ZNF592: variants seen among roughly 807,000 people sequenced by gnomAD.
ZNF592 encodes the protein spinocerebellar ataxia, autosomal recessive 5.
In ZNF592, 11 loss-of-function variants were observed where a neutral mutation model predicts 80.3. That is an observed-to-expected ratio of 0.14 (90% CI 0.09 to 0.23). The LOEUF is 0.23. Among genes scored for constraint, ZNF592 ranks in the 10% least tolerant of loss-of-function variants. The pLI, the probability that ZNF592 is intolerant of heterozygous loss-of-function variation, is 1.00. For missense variants in ZNF592, 1,420 were observed against 1,633.9 expected, an observed-to-expected ratio of 0.87 and a Z score of 2.26; for synonymous variants, 646 against 640.3, an observed-to-expected ratio of 1.01 and a Z score of -0.13.
At chr15:84,779,664 A>G (rs55738308) in intron 3 of ZNF592, among the ~76,000 whole-genome samples, 6,085 of 152,096 alleles carry the variant, frequency 0.04, 164 homozygotes, top group Non-Finnish European at 0.063. Flanking sequence ...AAATCTCTAT[A>G]AAAGTTTTTT....
At chr15:84,768,406 T>C (rs961704114) in intron 2 of ZNF592, among the ~76,000 whole-genome samples, 12 of 151,684 alleles carry the variant, frequency 7.9e-5, no homozygotes, top group African/African-American at 2.9e-4. Flanking sequence ...CCTGGCTAAT[T>C]TTTGTATTTT....
intron 2 of ZNF592, among the ~76,000 whole-genome samples, chr15:84,777,901 C>T (rs111654144): frequency 1.3e-5 from 2 of 152,036 alleles, no homozygotes; most frequent in African/African-American, 4.8e-5. Flanking sequence ...GGGGTTTCAC[C>T]GTGTTAGCCA....
intron 2 of ZNF592, among the ~76,000 whole-genome samples, chr15:84,775,451 G>A (rs1052410847): frequency 1.3e-5 from 2 of 151,184 alleles, no homozygotes; most frequent in African/African-American, 4.9e-5. Flanking sequence ...TTGTTTTTTT[G>A]AGACAGAGTC....
chr15:84,762,826 C>A (rs1163896566), intron 1 of ZNF592, among the ~76,000 whole-genome samples: 1 of 152,164 alleles, frequency 6.6e-6, no homozygotes, highest in East Asian at 1.9e-4. Flanking sequence ...GCCTCAGTTT[C>A]CTTGCTTGTA....
chr15:84,800,358 AC>A (rs571526910), intron 10 of ZNF592, among the ~76,000 whole-genome samples: 2 of 151,722 alleles, frequency 1.3e-5, no homozygotes, highest in African/African-American at 4.8e-5. Flanking sequence ...TGGCCAACTC[AC>A]CCCCCAACCT....
rs1369909205 is a variant in ZNF592, at chr15:84,783,745, G to T, written c.1070G>T (p.Ser357Ile). The T allele has an allele frequency of 1.9e-6, 3 of 1,614,116 alleles. No individual in the cohort carries two copies. The highest frequency in any genetic ancestry group is 2.5e-6 in the Non-Finnish European group (3 of 1,180,042). ...DSPRSICSDSSSKGSPSVAAS... is the reference protein window; with the variant it reads ...DSPRSICSDSISKGSPSVAAS... ...CCTCGTAGCATCTGCAGTGACAGCA[G>T]CAGCAAAGGCTCACCGTCTGTGGCT... The change falls in exon 4 of 11, where the codon AGC becomes ATC. Residue 357 changes from serine (S) to isoleucine (I), a missense_variant. Physicochemically the swap from Ser to Ile is moderately radical, Grantham distance 142. This residue lies in a region of ZNF592 where 524 missense variants were observed against 628.3 expected (regional missense o/e 0.83). Transcript: ENST00000560079. This position sits in a 1 kb window ranked among gnomAD's most constrained non-coding sequence, Gnocchi z 5.0.
intron 10 of ZNF592, among the ~76,000 whole-genome samples, chr15:84,801,425 G>A (rs939049629): frequency 1.3e-5 from 2 of 152,118 alleles, no homozygotes; most frequent in Non-Finnish European, 2.9e-5. Flanking sequence ...GCTTAAGCCC[G>A]GTAGGTCAAG....
Position 84,784,813 on chromosome 15 carries a change from G to A in ZNF592, c.2138G>A (p.Cys713Tyr). Residue 713 changes from cysteine (C) to tyrosine (Y), a missense_variant, in exon 4 of 11, where the codon TGT (cysteine) becomes TAT (tyrosine). Physicochemically the swap from Cys to Tyr is radical, Grantham distance 194. Transcript: ENST00000560079. The surrounding 1 kb of genome is among the most constrained non-coding windows in gnomAD (Gnocchi z 5.8). ...PVRLIRYSIK[C>Y]LECHKQMRDY... ...AGGCTCATCCGGTACTCAATCAAGT[G>A]TCTTGAATGTCACAAGCAGATGCGG... 1 of 1,614,126 alleles carries A rather than the reference G, an allele frequency of 6.2e-7. No individual in the cohort carries two copies. Among genetic ancestry groups the A allele is most frequent in the Non-Finnish European group, 8.5e-7 (1 of 1,180,036 alleles).
At position 84,803,597 on chromosome 15, in the gene ZNF592, A is replaced by T. The variant is rs1214178906; in HGVS notation, c.*1204A>T. 1 of 152,140 alleles carries T rather than the reference A, an allele frequency of 6.6e-6. No homozygotes were observed. The highest frequency in any genetic ancestry group is 2.4e-5 in the African/African-American group (1 of 41,408). The allele number at this position is 152,140 out of a possible 1,614,324, so 9.4% of individuals were successfully genotyped here. A position where few individuals can be genotyped will look rare whatever the true frequency, so the allele number is the denominator to read the frequency against. ...TAGGGCGTATCGAAATTTTCTAGGC[A>T]CCTTCATCTTTCCTTCAGTTGATTT... On this transcript the variant is annotated 3_prime_UTR_variant, in exon 11 of 11. Coordinates refer to ENST00000560079, the MANE Select transcript of ZNF592 (RefSeq NM_014630.3).
intron 2 of ZNF592, among the ~76,000 whole-genome samples, chr15:84,767,540 A>C (rs1300055895): frequency 6.6e-6 from 1 of 152,170 alleles, no homozygotes; most frequent in Non-Finnish European, 1.5e-5. Flanking sequence ...TCCTTCTAAC[A>C]AAGTGTGGTG....
chr15:84,764,657 C>A (rs893643787), intron 1 of ZNF592, 50 bp from the exon 2 acceptor site: 18 of 398,302 alleles, frequency 4.5e-5, no homozygotes, highest in Non-Finnish European at 6.6e-5. Flanking sequence ...TACTCTAACA[C>A]TTACCTTCAG....
intron 1 of ZNF592, among the ~76,000 whole-genome samples, chr15:84,755,578 A>G (rs1016764656): frequency 2.6e-5 from 4 of 152,176 alleles, no homozygotes; most frequent in African/African-American, 9.7e-5. Flanking sequence ...AGTTTACAGT[A>G]AGATCTTACC....
intron 3 of ZNF592, among the ~76,000 whole-genome samples, chr15:84,781,997 A>T (rs1459119444): frequency 6.6e-6 from 1 of 152,232 alleles, no homozygotes; most frequent in East Asian, 1.9e-4. Context: ...TTTGCAAGTC[A>T]CCCTGTTCCT....
intron 5 of ZNF592, 38 bp from the exon 6 acceptor site, chr15:84,797,831 T>C: frequency 6.2e-7 from 1 of 1,613,350 alleles, no homozygotes; most frequent in Non-Finnish European, 8.5e-7. Flanking sequence ...GTACTCCCTA[T>C]ACTCCACCCA....
intron 2 of ZNF592, among the ~76,000 whole-genome samples, chr15:84,765,590 G>A (rs1218536178): frequency 7.1e-6 from 1 of 140,454 alleles, no homozygotes; most frequent in African/African-American, 2.7e-5. Context: ...CCAGACTGGA[G>A]TGCAGTGATG....
rs995969490 is a variant in ZNF592, at chr15:84,768,230, CTTTTTTTTTTT to C, written c.-150+3425_-150+3435del. ...TTTCCTTTTCTTTCTTTCTTTCTTT[CTTTTTTTTTTT>C]TTTTTTTTTGAGACAGTTGTGCTCT... On this transcript the variant is annotated intron_variant, in intron 2 of 10. Transcript: ENST00000560079. Among the ~76,000 whole-genome samples the C allele has an allele frequency of 7.6e-4, 93 of 122,344 alleles. 1 individual carries two copies. The highest frequency in any genetic ancestry group is 8.5e-3 in the Middle Eastern group (2 of 236). The allele number at this position is 122,344 out of a possible 152,430, so 80.3% of individuals were successfully genotyped here.
At chr15:84,776,312 G>A (rs1242238322) in intron 2 of ZNF592, among the ~76,000 whole-genome samples, 8 of 152,224 alleles carry the variant, frequency 5.3e-5, no homozygotes, top group Non-Finnish European at 8.8e-5. Flanking sequence ...TCTCAACTTT[G>A]GCTTGCTGCT....
intron 4 of ZNF592, among the ~76,000 whole-genome samples, chr15:84,787,065 C>T (rs1172715322): frequency 6.6e-6 from 1 of 151,836 alleles, no homozygotes; most frequent in Non-Finnish European, 1.5e-5. Context: ...TTGCCCAGGC[C>T]GGTCTTGAAC....
chr15:84,780,930 T>C (rs1962403352), intron 3 of ZNF592, among the ~76,000 whole-genome samples: 1 of 152,320 alleles, frequency 6.6e-6, no homozygotes, highest in South Asian at 2.1e-4. Flanking sequence ...AATGCACGCG[T>C]AGTTTTACAT....
Sources: allele counts gnomAD v4.1 joint callset (sites outside exome capture counted in the v4.1 genomes callset), GRCh38; gene constraint gnomAD v4.1.1; regional missense constraint gnomAD v4.1.1; non-coding constraint Gnocchi (gnomAD v3.1); transcripts MANE v1.5; gene names NCBI Gene and HGNC (gene_info 2026-07-23, HGNC 2026-07-21).